Variants in INSYN2A observed in about 807,000 individuals in gnomAD.
INSYN2A encodes the protein family with sequence similarity 196 member A.
INSYN2A carries 17 observed loss-of-function variants against 39.4 expected under a neutral mutation model. The observed-to-expected ratio is 0.43, with a 90% CI of 0.30 to 0.65. The LOEUF (loss-of-function observed/expected upper bound fraction) is 0.65, where lower values mean the gene tolerates loss of function less well. Ranked by LOEUF, INSYN2A falls within the 30% of genes least tolerant of loss-of-function variation. The probability of loss-of-function intolerance (pLI) is 0.14; values close to 1 mark genes in which losing one functional copy is unlikely to be tolerated. For synonymous variants in INSYN2A, 255 were observed against 265.7 expected (o/e 0.96, Z 0.39); for missense variants, 595 against 631.2 (o/e 0.94, Z 0.61).
chr10:127,170,341 C>T (rs769050833), intron 4 of INSYN2A, among the ~76,000 whole-genome samples: 1 of 152,170 alleles, frequency 6.6e-6, no homozygotes, highest in African/African-American at 2.4e-5. Context: ...GCTCTCTCCC[C>T]CTACCCCAAG....
At chr10:127,187,728 GAGAAAGAAAGAAAGAAAGAGAGAA>G (rs2056406222) in intron 2 of INSYN2A, among the ~76,000 whole-genome samples, 1 of 119,316 alleles carries the variant, frequency 8.4e-6, no homozygotes, top group African/African-American at 2.7e-5. Flanking sequence ...AGAAGAAAGA[GAGAAAGAAAGAAAGAAAGAGAGAA>G]AGAGAGAAAG....
intron 2 of INSYN2A, among the ~76,000 whole-genome samples, chr10:127,190,670 C>T (rs1589859349): frequency 4.2e-5 from 1 of 23,734 alleles, no homozygotes; most frequent in East Asian, 2.3e-3. Flanking sequence ...TATCTTCCCC[C>T]CCCCCCCCCC....
chr10:127,166,714 A>T (rs1359253351), intron 4 of INSYN2A, among the ~76,000 whole-genome samples: 1 of 152,258 alleles, frequency 6.6e-6, no homozygotes, highest in African/African-American at 2.4e-5. Context: ...CCATTTTTGC[A>T]TAGCTTAGCA....
At chr10:127,183,724 AAC>A (rs2055953355) in intron 2 of INSYN2A, among the ~76,000 whole-genome samples, 2 of 152,210 alleles carry the variant, frequency 1.3e-5, no homozygotes, top group Non-Finnish European at 2.9e-5. Flanking sequence ...TAGCATTCAT[AAC>A]ACAAAATGTC....
chr10:127,137,378 CT>C lies in INSYN2A; in HGVS notation c.*458del, dbSNP rs1285048104. 2 of 153,538 alleles carry C rather than the reference CT, an allele frequency of 1.3e-5. No individual in the cohort carries two copies. Among genetic ancestry groups the C allele is most frequent in the African/African-American group, 4.8e-5 (2 of 41,424 alleles). The allele number at this position is 153,538 out of a possible 1,614,324, so 9.5% of individuals were successfully genotyped here. On this transcript the variant is annotated 3_prime_UTR_variant, in exon 6 of 6. Coordinates refer to ENST00000522781, the MANE Select transcript of INSYN2A (RefSeq NM_001039762.3). The stretch of plus-strand genomic sequence containing the variant: ...TGCTGAAAATTGCACTCGCCCCCTG[CT>C]TATTTGCAAAATGAAACATAAAAAT...
chr10:127,138,040 A>G lies in INSYN2A; in HGVS notation c.1257-20T>C. The G allele has an allele frequency of 6.3e-7, 1 of 1,588,026 alleles. No homozygotes were observed. The highest frequency in any genetic ancestry group is 8.5e-7 in the Non-Finnish European group (1 of 1,170,246). ...TCCACACTAGAAAAGAGAGAGAGTG[A>G]AGACTTTAGCATTTGATCTTTTCCA... On this transcript the variant is annotated intron_variant, in intron 5 of 5. Coordinates refer to ENST00000522781, the MANE Select transcript of INSYN2A (RefSeq NM_001039762.3).
In INSYN2A at chr10:127,196,522, A is replaced by T. The variant is rs2057164941; in HGVS notation, c.-920T>A. ...CTACTCCGCGGAGCCGGGCGGCCAG[A>T]GGCGAGGGCGCCCCAAGCCGCGCGC... is the stretch of plus-strand genomic sequence containing the variant. On this transcript the variant is annotated 5_prime_UTR_variant, in exon 1 of 6. Coordinates refer to ENST00000522781, the MANE Select transcript of INSYN2A (RefSeq NM_001039762.3). Among the ~76,000 whole-genome samples the T allele has an allele frequency of 6.8e-6, 1 of 146,748 alleles. No homozygotes were observed.
At chr10:127,182,403 C>G (rs1193609249) in intron 2 of INSYN2A, among the ~76,000 whole-genome samples, 1 of 152,184 alleles carries the variant, frequency 6.6e-6, no homozygotes, top group East Asian at 1.9e-4. Flanking sequence ...GGAGGGCAAG[C>G]ATGCATGCTT....
chr10:127,143,384 C>A (rs1329059117), intron 5 of INSYN2A, among the ~76,000 whole-genome samples: 1 of 152,188 alleles, frequency 6.6e-6, no homozygotes, highest in Non-Finnish European at 1.5e-5. Flanking sequence ...GAGTCTTCCC[C>A]AGTGCTAACC....
At chr10:127,185,156 A>G (rs987784395) in intron 2 of INSYN2A, among the ~76,000 whole-genome samples, 1 of 152,122 alleles carries the variant, frequency 6.6e-6, no homozygotes, top group East Asian at 1.9e-4. Flanking sequence ...CCTTAACACA[A>G]ATATAAGTGT....
intron 1 of INSYN2A, among the ~76,000 whole-genome samples, chr10:127,195,661 G>A (rs1234512893): frequency 6.6e-6 from 1 of 152,066 alleles, no homozygotes; most frequent in Non-Finnish European, 1.5e-5. Flanking sequence ...GCTGTCGGGC[G>A]CTCACGAAGC....
At chr10:127,140,160 A>G (rs1248623315) in intron 5 of INSYN2A, among the ~76,000 whole-genome samples, 7 of 152,206 alleles carry the variant, frequency 4.6e-5, no homozygotes, top group African/African-American at 1.7e-4. Flanking sequence ...TAACAGTACA[A>G]TTTCGGCTAC....
intron 4 of INSYN2A, among the ~76,000 whole-genome samples, chr10:127,173,300 C>A (rs2054754203): frequency 6.6e-6 from 1 of 152,170 alleles, no homozygotes; most frequent in South Asian, 2.1e-4. Flanking sequence ...GGCACAGAGA[C>A]ATACAGCCCT....
Position 127,196,374 on chromosome 10 carries a change from C to A in INSYN2A, c.-772G>T, listed in dbSNP as rs2057150531. On this transcript the variant is annotated 5_prime_UTR_variant, in exon 1 of 6. Transcript: ENST00000522781. ...CCAGCCACAGCCACCCGGCTTCGCG[C>A]TCCTCCGATGTCCTCATTTACTGCA... 6.7e-6 allele frequency among the ~76,000 whole-genome samples: 1 copy of A among 148,788 alleles called. No individual in the cohort carries two copies.
rs375436080 is a variant in INSYN2A at position 127,184,180 on chromosome 10, AC to A, written c.-268-7042del. 2.4e-3 allele frequency among the ~76,000 whole-genome samples: 358 copies of A among 152,078 alleles called. 1 individual carries two copies. Among genetic ancestry groups the A allele is most frequent in the African/African-American group, 8.1e-3 (338 of 41,480 alleles). On this transcript the variant is annotated intron_variant, in intron 2 of 5. Transcript: ENST00000522781. ...CCCAGCTGAGCTTGGAGCAAAAGACACCCCATGTTAAAGGCAGGACTGGACT... is the reference window on the plus strand; with the variant it reads ...CCCAGCTGAGCTTGGAGCAAAAGACACCCATGTTAAAGGCAGGACTGGACT...
intron 4 of INSYN2A, among the ~76,000 whole-genome samples, chr10:127,163,153 A>G (rs894374605): frequency 1.3e-5 from 2 of 152,062 alleles, no homozygotes; most frequent in Admixed American, 6.5e-5. Context: ...TCTCTGTCCT[A>G]TGGGACTGGG....
intron 2 of INSYN2A, among the ~76,000 whole-genome samples, chr10:127,185,763 A>G (rs966944473): frequency 1.1e-4 from 17 of 152,150 alleles, no homozygotes; most frequent in African/African-American, 4.1e-4. Context: ...TGGCATGACT[A>G]CCTTGAGTGG....
chr10:127,168,025 C>T (rs770868851), intron 4 of INSYN2A, among the ~76,000 whole-genome samples: 5 of 152,120 alleles, frequency 3.3e-5, no homozygotes, highest in South Asian at 4.1e-4. Flanking sequence ...ATTTCATCTC[C>T]AAGAGAAGCC....
intron 1 of INSYN2A, among the ~76,000 whole-genome samples, chr10:127,195,300 G>A (rs2057032419): frequency 6.6e-6 from 1 of 152,164 alleles, no homozygotes; most frequent in African/African-American, 2.4e-5. Flanking sequence ...CCAGCTCGCA[G>A]TCTCTTAGGT....
Sources: allele counts gnomAD v4.1 joint callset (sites outside exome capture counted in the v4.1 genomes callset), GRCh38; gene constraint gnomAD v4.1.1; transcripts MANE v1.5; gene names NCBI Gene and HGNC (gene_info 2026-07-23, HGNC 2026-07-21).